CEP164: variants seen among roughly 807,000 people sequenced by gnomAD.
The protein encoded by CEP164 is centrosomal protein 164, also known as centrosomal protein of 164 kDa.
CEP164 carries 162 observed loss-of-function variants against 182.7 expected under a neutral mutation model. The ratio of observed to expected loss-of-function variants is 0.89; its 90% CI spans 0.78 to 1.01. The LOEUF is 1.01. CEP164 is among the 50% of genes least tolerant of loss of function. The pLI is 0.00. For missense variants in CEP164, 1,735 were observed against 1,790.4 expected, an observed-to-expected ratio of 0.97 and a Z score of 0.56; for synonymous variants, 661 against 690.0, an observed-to-expected ratio of 0.96 and a Z score of 0.66.
chr11:117,362,762 C>T (rs910066324), intron 7 of CEP164, among the ~76,000 whole-genome samples: 1 of 152,100 alleles, frequency 6.6e-6, no homozygotes, highest in African/African-American at 2.4e-5. Context: ...CTATTCATTT[C>T]TAGAACTTGT....
rs759744930 is a variant in CEP164 at position 117,408,009 on chromosome 11, T to C, written c.3586T>C (p.Leu1196=). The change falls in exon 28 of 33, where the codon TTG becomes CTG. Residue 1196 remains leucine (L), a synonymous_variant. Transcript: ENST00000278935. ...GAAGAAAGAGGAGAAGCTGAATCAG[T>C]TGGAGTCCTCTCTTTGGGAAGAGGT... ...LKKKEEKLNQ[L]ESSLWEEASD... is the part of the protein sequence containing the mutation. 1.9e-5 allele frequency: 30 copies of C among 1,595,130 alleles called. No homozygotes were observed. The highest frequency in any genetic ancestry group is 1.6e-4 in the Admixed American group (9 of 57,438).
chr11:117,410,704 C>T (rs2047254432), intron 30 of CEP164, 124 bp from the exon 31 acceptor site: 1 of 687,124 alleles, frequency 1.5e-6, no homozygotes, highest in African/African-American at 1.8e-5. Context: ...TGTCTCTCAC[C>T]TGTCTCTGGC....
In CEP164 at chr11:117,412,589, A is replaced by T. The variant is rs1482836456; in HGVS notation, c.*421A>T. 6.1e-6 allele frequency: 1 copy of T among 164,144 alleles called. No individual in the cohort carries two copies. The allele number at this position is 164,144 out of a possible 1,614,324, so 10.2% of individuals were successfully genotyped here. On this transcript the variant is annotated 3_prime_UTR_variant, in exon 33 of 33. Transcript: ENST00000278935. ...TGTATGGTTCTTAATTCATCAGGACAAAGACCCCCAGCATGTGTGTACCCT... is the reference window on the plus strand; with the variant it reads ...TGTATGGTTCTTAATTCATCAGGACTAAGACCCCCAGCATGTGTGTACCCT...
At chr11:117,406,398 T>C (rs933970964) in intron 27 of CEP164, among the ~76,000 whole-genome samples, 1 of 152,188 alleles carries the variant, frequency 6.6e-6, no homozygotes, top group African/African-American at 2.4e-5. Flanking sequence ...TCCCTTCAGG[T>C]CCCTCCCACA....
intron 15 of CEP164, among the ~76,000 whole-genome samples, chr11:117,388,940 T>A (rs544621093): frequency 4.7e-4 from 71 of 152,018 alleles, no homozygotes; most frequent in African/African-American, 9.9e-4. Context: ...TAATTTTTTT[T>A]TTTTTATTTT....
chr11:117,379,837 A>G (rs2043126324), intron 11 of CEP164, among the ~76,000 whole-genome samples: 1 of 150,278 alleles, frequency 6.7e-6, no homozygotes, highest in Non-Finnish European at 1.5e-5. Context: ...ACCTTGCCTC[A>G]AAGAATAGTT....
In CEP164 at chr11:117,379,451, G is replaced by A. The variant is rs949032459; in HGVS notation, c.1318-1163G>A. On this transcript the variant is annotated intron_variant, in intron 11 of 32. Coordinates refer to ENST00000278935, the MANE Select transcript of CEP164 (RefSeq NM_014956.5). ...GTTGACCCTGTGTCCCAGAACAGAC[G>A]GGGCTCCTGTCGGTGTGACAGAAGG... 2.6e-5 allele frequency among the ~76,000 whole-genome samples: 4 copies of A among 152,194 alleles called. No individual in the cohort carries two copies. The South Asian group carries it at 6.2e-4, about 24-fold the overall frequency.
At chr11:117,330,769 C>T (rs754195578) in intron 1 of CEP164, among the ~76,000 whole-genome samples, 1 of 152,206 alleles carries the variant, frequency 6.6e-6, no homozygotes, top group Non-Finnish European at 1.5e-5. Context: ...AGGTGAATAG[C>T]AGTCATAATA....
chr11:117,398,359 G>A (rs1043307203), intron 27 of CEP164, among the ~76,000 whole-genome samples: 6 of 152,174 alleles, frequency 3.9e-5, no homozygotes, highest in African/African-American at 7.2e-5. Context: ...GAGTATCTGC[G>A]GCTTTTTGAG....
chr11:117,380,617 C>T lies in CEP164; in HGVS notation c.1321C>T (p.Gln441Ter). ...TTTTATTGCTTCTCTCCTACAGGCC[C>T]AGCAACCACTGGGAATAGAAGACAA... is the stretch of plus-strand genomic sequence containing the variant. ...PVLGGACRQA[Q>*]QPLGIEDKDD... The change falls in exon 12 of 33, where the codon CAG (glutamine) becomes TAG (stop). Residue 441 changes from glutamine to a stop codon, truncating the protein, a stop_gained. Coordinates refer to ENST00000278935, the MANE Select transcript of CEP164 (RefSeq NM_014956.5). LOFTEE classifies it high-confidence loss of function. 1 of 1,598,548 alleles carries T rather than the reference C, an allele frequency of 6.3e-7. No homozygotes were observed. The highest frequency in any genetic ancestry group is 8.5e-7 in the Non-Finnish European group (1 of 1,172,270).
intron 11 of CEP164, among the ~76,000 whole-genome samples, chr11:117,379,824 G>A (rs959740080): frequency 3.4e-5 from 5 of 147,732 alleles, no homozygotes; most frequent in African/African-American, 5.0e-5. Flanking sequence ...GTGACAAAGT[G>A]AGACCTTGCC....
rs144700603 is a variant in CEP164 at position 117,331,255 on chromosome 11, A to G, written c.-98+3351A>G. Among the ~76,000 whole-genome samples the G allele has an allele frequency of 4.7e-3, 712 of 152,340 alleles. 2 individuals are homozygous for G. Among genetic ancestry groups the G allele is most frequent in the African/African-American group, 0.016 (653 of 41,582 alleles). On this transcript the variant is annotated intron_variant, in intron 1 of 32. Coordinates refer to ENST00000278935, the MANE Select transcript of CEP164 (RefSeq NM_014956.5). ...GAAGAGAACTGGGAATACTTAGCCT[A>G]CCTTAGCTAGAGAATCCTAGGGTGT...
Position 117,412,412 on chromosome 11 carries a change from C to T in CEP164, c.*244C>T, listed in dbSNP as rs370693307. 143 of 375,890 alleles carry T rather than the reference C, an allele frequency of 3.8e-4. 4 individuals are homozygous for T. Among genetic ancestry groups the T allele is most frequent in the African/African-American group, 2.7e-3 (131 of 48,572 alleles). The allele number at this position is 375,890 out of a possible 1,614,324, so 23.3% of individuals were successfully genotyped here. ...TGTCATTGACATGGCAAGCTGATGG[C>T]GTGCGGTGGCTGCGGGGTATCAGGG... On this transcript the variant is annotated 3_prime_UTR_variant, in exon 33 of 33. Coordinates refer to ENST00000278935, the MANE Select transcript of CEP164 (RefSeq NM_014956.5).
At chr11:117,383,984 C>T (rs1038446231) in intron 14 of CEP164, among the ~76,000 whole-genome samples, 11 of 152,074 alleles carry the variant, frequency 7.2e-5, no homozygotes, top group Non-Finnish European at 1.3e-4. Context: ...TGCAGTGAGC[C>T]GAGATCGTGC....
In CEP164 at chr11:117,394,215, T is replaced by C; in HGVS notation, c.2617-135T>C. 1.6e-6 allele frequency: 2 copies of C among 1,214,902 alleles called. No individual in the cohort carries two copies. Among genetic ancestry groups the C allele is most frequent in the East Asian group, 5.1e-5 (2 of 39,198 alleles). The allele number at this position is 1,214,902 out of a possible 1,614,324, so 75.3% of individuals were successfully genotyped here. ...TGCTGTGCTTGTAACCCTCCTCTTC[T>C]CCAAGAGCTGGCTTTAGGGAGCCGA... On this transcript the variant is annotated intron_variant, in intron 20 of 32. Coordinates refer to ENST00000278935, the MANE Select transcript of CEP164 (RefSeq NM_014956.5). This position sits in a 1 kb window ranked among gnomAD's most constrained non-coding sequence, Gnocchi z 4.0.
At chr11:117,408,859 G>A (rs780909640) in intron 28 of CEP164, 31 bp from the exon 29 acceptor site, 70 of 1,612,814 alleles carry the variant, frequency 4.3e-5, no homozygotes, top group Non-Finnish European at 5.7e-5. Flanking sequence ...CGTGGGAGAG[G>A]TGGGTCATAA....
chr11:117,381,000 C>T (rs1208299551), intron 12 of CEP164, among the ~76,000 whole-genome samples: 1 of 152,148 alleles, frequency 6.6e-6, no homozygotes, highest in African/African-American at 2.4e-5. Context: ...ACTCTGGGCA[C>T]CATTGTGGGG....
Position 117,413,129 on chromosome 11 carries a change from T to C in CEP164, c.*961T>C, listed in dbSNP as rs1377283632. The C allele has an allele frequency of 6.6e-6, 1 of 152,258 alleles. No homozygotes were observed. The highest frequency in any genetic ancestry group is 1.5e-5 in the Non-Finnish European group (1 of 68,044). 9.4% of individuals were successfully genotyped at this position (152,258 alleles called of 1,614,324 possible). ...CAAGGGGTCTTTGTGCAGTTGGAGA[T>C]GCTGCCGTTGTGGCAGAGCGTCCTG... On this transcript the variant is annotated 3_prime_UTR_variant, in exon 33 of 33. Coordinates refer to ENST00000278935, the MANE Select transcript of CEP164 (RefSeq NM_014956.5).
At chr11:117,377,870 C>A (rs1268461979) in intron 11 of CEP164, among the ~76,000 whole-genome samples, 1 of 151,656 alleles carries the variant, frequency 6.6e-6, no homozygotes, top group South Asian at 2.1e-4. Context: ...TCTTTTCTTT[C>A]TTTTTTTGAG....
Sources: gnomAD v4.1 joint callset for allele counts (sites outside exome capture counted in the v4.1 genomes callset) on GRCh38, gnomAD v4.1.1 for gene constraint, Gnocchi (gnomAD v3.1) non-coding constraint, MANE v1.5 for transcripts, NCBI Gene and HGNC (gene_info 2026-07-23, HGNC 2026-07-21) for gene names.